ADARB1: variants seen among roughly 807,000 people sequenced by gnomAD.
The protein encoded by ADARB1 is double-stranded RNA-specific editase 1.
Under a neutral mutation model 52.4 loss-of-function variants are expected in ADARB1, and 10 were observed. The observed-to-expected ratio is 0.19, with a 90% confidence interval of 0.12 to 0.32. ADARB1 has a LOEUF of 0.32. Among genes scored for constraint, ADARB1 ranks in the 10% least tolerant of loss-of-function variants. The pLI is 1.00. For missense variants in ADARB1, 643 were observed against 922.3 expected, an observed-to-expected ratio of 0.70 and a Z score of 3.92; for synonymous variants, 349 against 371.1, an observed-to-expected ratio of 0.94 and a Z score of 0.68.
At chr21:45,111,084 G>C (rs1040990221) in intron 1 of ADARB1, among the ~76,000 whole-genome samples, 1 of 152,162 alleles carries the variant, frequency 6.6e-6, no homozygotes, top group African/African-American at 2.4e-5. Flanking sequence ...ACAAGAGGAA[G>C]GCGCAGCTGA....
chr21:45,193,017 A>T (rs1483847867), intron 8 of ADARB1, among the ~76,000 whole-genome samples: 1 of 152,222 alleles, frequency 6.6e-6, no homozygotes, highest in Non-Finnish European at 1.5e-5. Flanking sequence ...CCAAACATTT[A>T]AGGAAGAAAT....
At position 45,128,743 on chromosome 21, in the gene ADARB1, C is replaced by T. The variant is rs957713021; in HGVS notation, c.-48+170C>T. Among the ~76,000 whole-genome samples, 1 of 152,180 alleles carries T rather than the reference C, an allele frequency of 6.6e-6. No individual in the cohort carries two copies. The highest frequency in any genetic ancestry group is 1.5e-5 in the Non-Finnish European group (1 of 68,040). ...TGGTTGATTTCTAATCTTACTGCAG[C>T]CTTAGCTCACCCATGAGTCCCTCCT... On this transcript the variant is annotated intron_variant, in intron 2 of 10. Transcript: ENST00000348831. The surrounding 1 kb of genome is among the most constrained non-coding windows in gnomAD (Gnocchi z 4.6).
At chr21:45,195,289 T>C (rs2092399983) in intron 8 of ADARB1, among the ~76,000 whole-genome samples, 1 of 152,240 alleles carries the variant, frequency 6.6e-6, no homozygotes, top group Non-Finnish European at 1.5e-5. Context: ...GAGTTTTTTG[T>C]ATATTTGGAA....
intron 1 of ADARB1, among the ~76,000 whole-genome samples, chr21:45,098,952 A>G (rs778458823): frequency 6.6e-6 from 1 of 152,180 alleles, no homozygotes; most frequent in Non-Finnish European, 1.5e-5. Flanking sequence ...CTAGGTTTAT[A>G]AGGCCAGACA....
chr21:45,078,744 T>TA (rs1245528881), intron 1 of ADARB1, among the ~76,000 whole-genome samples: 1 of 152,210 alleles, frequency 6.6e-6, no homozygotes, highest in Non-Finnish European at 1.5e-5. Context: ...TGGGAAGCCT[T>TA]AAGGGAGCCT....
intron 2 of ADARB1, among the ~76,000 whole-genome samples, chr21:45,130,003 C>T (rs2088831675): frequency 6.6e-6 from 1 of 152,172 alleles, no homozygotes; most frequent in Non-Finnish European, 1.5e-5. Flanking sequence ...AAAATCAGGT[C>T]ACCTTTATCA....
intron 2 of ADARB1, among the ~76,000 whole-genome samples, chr21:45,141,196 A>C (rs1234669097): frequency 6.7e-6 from 1 of 150,036 alleles, no homozygotes; most frequent in African/African-American, 2.4e-5. Flanking sequence ...ACCCTGTCTC[A>C]AAAAAAAAAG....
At chr21:45,164,055 A>G (rs191856438) in intron 2 of ADARB1, among the ~76,000 whole-genome samples, 4 of 152,336 alleles carry the variant, frequency 2.6e-5, no homozygotes, top group Non-Finnish European at 5.9e-5. Flanking sequence ...CAGATTAATA[A>G]TAAATGATAG....
rs566441287 is a variant in ADARB1 at position 45,129,737 on chromosome 21, C to T, written c.-48+1164C>T. Among the ~76,000 whole-genome samples the T allele has an allele frequency of 7.9e-5, 12 of 152,202 alleles. No individual in the cohort carries two copies. The South Asian group carries it at 1.9e-3, about 24-fold the overall frequency. On this transcript the variant is annotated intron_variant, in intron 2 of 10. Transcript: ENST00000348831. ...TGCAGAGCCATAGGTAGGGGGCGGT[C>T]ACCAGGGCGTGAGCGTGGATGGATG...
intron 2 of ADARB1, among the ~76,000 whole-genome samples, chr21:45,163,009 A>G (rs398023): frequency 0.88 from 134,166 of 152,230 alleles, 59,195 homozygotes; most frequent in South Asian, 0.92. Flanking sequence ...TCCCTTGCCC[A>G]CTCGGCCAAC....
intron 1 of ADARB1, chr21:45,118,608 G>T (rs2087962398): frequency 6.6e-6 from 1 of 152,144 alleles, no homozygotes; most frequent in Non-Finnish European, 1.5e-5. Flanking sequence ...TTTGATCCTT[G>T]TTCTACTGCA....
intron 1 of ADARB1, among the ~76,000 whole-genome samples, chr21:45,122,332 G>A (rs181047946): frequency 3.3e-5 from 5 of 152,328 alleles, no homozygotes; most frequent in East Asian, 1.9e-4. Context: ...ATCAAGTGCT[G>A]TGAATGATAA....
At chr21:45,156,391 CCA>C (rs2090634010) in intron 2 of ADARB1, among the ~76,000 whole-genome samples, 1 of 145,024 alleles carries the variant, frequency 6.9e-6, no homozygotes, top group South Asian at 2.3e-4. Flanking sequence ...CATCATCCAT[CCA>C]TCCATCCATC....
rs1344272743 is a variant in ADARB1 at position 45,222,084 on chromosome 21, G to A, written c.1993G>A (p.Ala665Thr). ...CGTGTACCATGAGTCCAAGCTGGCG[G>A]CAAAGGAGTACCAGGCCGCCAAGGC... ...PNVYHESKLA[A>T]KEYQAAKARL... The change falls in exon 11 of 11, where the codon GCA (alanine) becomes ACA (threonine). Residue 665 changes from alanine (A) to threonine (T), a missense_variant. Transcript: ENST00000348831. 4 of 1,613,590 alleles carry A rather than the reference G, an allele frequency of 2.5e-6. No individual in the cohort carries two copies. Among genetic ancestry groups the A allele is most frequent in the Non-Finnish European group, 3.4e-6 (4 of 1,179,964 alleles).
intron 2 of ADARB1, among the ~76,000 whole-genome samples, chr21:45,134,061 TGGTGTGTGCGCCCGCCG>T (rs1263383804): frequency 2.6e-5 from 1 of 38,326 alleles, no homozygotes; most frequent in Non-Finnish European, 5.0e-5. Context: ...TGCCCGACAG[TGGTGTGTGCGCCCGCCG>T]GGTGTGTGCC....
chr21:45,135,823 C>T (rs2089330248), intron 2 of ADARB1, among the ~76,000 whole-genome samples: 2 of 152,216 alleles, frequency 1.3e-5, no homozygotes, highest in South Asian at 2.1e-4. Flanking sequence ...GTCCTGTGGT[C>T]CTGGACTGCA....
intron 1 of ADARB1, among the ~76,000 whole-genome samples, chr21:45,119,786 C>T (rs764347479): frequency 6.6e-6 from 1 of 152,196 alleles, no homozygotes; most frequent in East Asian, 1.9e-4. Context: ...AAAATCATGG[C>T]TCCTGAAACT....
chr21:45,150,381 T>C (rs1569073945), intron 2 of ADARB1, among the ~76,000 whole-genome samples: 1 of 152,244 alleles, frequency 6.6e-6, no homozygotes, highest in Non-Finnish European at 1.5e-5. Flanking sequence ...AAAATTATAA[T>C]TTTTTGTGTT....
chr21:45,077,358 C>T (rs924497639), intron 1 of ADARB1, among the ~76,000 whole-genome samples: 55 of 152,288 alleles, frequency 3.6e-4, no homozygotes, highest in African/African-American at 1.3e-3. Context: ...TCAGAGAGGT[C>T]CAATTTTATT....
Sources: gnomAD v4.1 joint callset for allele counts (sites outside exome capture counted in the v4.1 genomes callset) on GRCh38, gnomAD v4.1.1 for gene constraint, Gnocchi (gnomAD v3.1) non-coding constraint, MANE v1.5 for transcripts, NCBI Gene and HGNC (gene_info 2026-07-23, HGNC 2026-07-21) for gene names.